The following MDN1 variants were observed in gnomAD, a reference collection of about 807,000 sequenced individuals.
MDN1 encodes midasin AAA ATPase 1.
Under a neutral mutation model 669.2 loss-of-function variants are expected in MDN1, and 266 were observed. The ratio of observed to expected loss-of-function variants is 0.40; its 90% CI spans 0.36 to 0.44. The LOEUF (loss-of-function observed/expected upper bound fraction) is 0.44, where lower values mean the gene tolerates loss of function less well. Ranked by LOEUF, MDN1 falls within the 20% of genes least tolerant of loss-of-function variation. The pLI is 1.00. For synonymous variants in MDN1, 2,385 were observed against 2,457.1 expected (o/e 0.97, Z 0.87); for missense variants, 5,940 against 6,754.0 (o/e 0.88, Z 4.22).
intron 30 of MDN1, 107 bp downstream of exon 30, chr6:89,743,469 T>C (rs1364365746): frequency 2.8e-5 from 39 of 1,394,766 alleles, no homozygotes; most frequent in Non-Finnish European, 3.2e-5. Flanking sequence ...TCTGCAGATA[T>C]GCACATTTAA....
rs1194994007 is a variant in MDN1, at chr6:89,701,645, A to G, written c.8340T>C (p.His2780=). 2 of 1,614,152 alleles carry G rather than the reference A, an allele frequency of 1.2e-6. No homozygotes were observed. Among genetic ancestry groups the G allele is most frequent in the Non-Finnish European group, 1.7e-6 (2 of 1,179,994 alleles). ...YYKEVQTVSE[H]IQNCLGSQTG... The stretch of plus-strand genomic sequence containing the variant: ...TCTGGCTCCCCAGACAATTCTGAAT[A>G]TGTTCTGAGACAGTCTGAACTTCTT... Residue 2780 remains histidine (H), a synonymous_variant, in exon 55 of 102, where the codon CAT becomes CAC. Transcript: ENST00000369393.
chr6:89,700,758 C>G lies in MDN1; in HGVS notation c.8526G>C (p.Gln2842His). ...CCACTTGGAGACGGTTAATGTCTTC[C>G]TGCCATCCACTCTCCCCAAGGGCAG... ...QMSALGESGW[Q>H]EDINRLQVVA... Residue 2842 changes from glutamine (Q) to histidine (H), a missense_variant, in exon 56 of 102, where the codon CAG becomes CAC. Gln to His is a conservative substitution (Grantham distance 24). Coordinates refer to ENST00000369393, the MANE Select transcript of MDN1 (RefSeq NM_014611.3). The G allele has an allele frequency of 6.2e-7, 1 of 1,614,164 alleles. No individual in the cohort carries two copies. Among genetic ancestry groups the G allele is most frequent in the Non-Finnish European group, 8.5e-7 (1 of 1,180,020 alleles).
intron 69 of MDN1, among the ~76,000 whole-genome samples, chr6:89,686,319 G>A (rs1336674193): frequency 6.6e-6 from 1 of 152,148 alleles, no homozygotes; most frequent in African/African-American, 2.4e-5. Flanking sequence ...CAGCTACTGA[G>A]AAGGCTGAAG....
At chr6:89,778,766 G>C (rs1426214110) in intron 11 of MDN1, among the ~76,000 whole-genome samples, 2 of 151,634 alleles carry the variant, frequency 1.3e-5, no homozygotes, top group Non-Finnish European at 2.9e-5. Flanking sequence ...GGCGCCTGTA[G>C]TCCCAGTTAC....
chr6:89,790,316 G>A lies in MDN1; in HGVS notation c.941C>T (p.Thr314Ile), dbSNP rs994847848. Residue 314 changes from threonine (T) to isoleucine (I), a missense_variant, in exon 6 of 102, where the codon ACC becomes ATC. Thr to Ile is a moderately conservative substitution (Grantham distance 89, BLOSUM62 -1). This residue lies in a region of MDN1 where 1,203 missense variants were observed against 1,268.9 expected (regional missense o/e 0.95). Transcript: ENST00000369393. ...CTGAGAAGCAACCGCCATAGCCAGG[G>A]TCTGAAGACTTTTGCAGACAGACTC... The part of the protein sequence containing the change: ...LVESVCKSLQ[T>I]LAMAVASQNA... 1.2e-6 allele frequency: 2 copies of A among 1,613,956 alleles called. No individual in the cohort carries two copies. The highest frequency in any genetic ancestry group is 2.7e-5 in the African/African-American group (2 of 74,870).
At chr6:89,712,537 C>T (rs771394985) in intron 48 of MDN1, 38 bp downstream of exon 48, 4 of 1,590,242 alleles carry the variant, frequency 2.5e-6, no homozygotes, top group Non-Finnish European at 1.7e-6. Flanking sequence ...TAAAAACCAG[C>T]CAAGAAACCA....
chr6:89,729,677 G>A (rs1013510683), intron 35 of MDN1, among the ~76,000 whole-genome samples: 1 of 100,758 alleles, frequency 9.9e-6, no homozygotes, highest in African/African-American at 3.7e-5. Context: ...TTTTGTTTTC[G>A]TTTTTTTTTT....
At chr6:89,726,248 G>A (rs1815225078) in intron 37 of MDN1, among the ~76,000 whole-genome samples, 1 of 151,990 alleles carries the variant, frequency 6.6e-6, no homozygotes, top group South Asian at 2.1e-4. Flanking sequence ...ATCACTTGAG[G>A]CCAGGAGTTC....
chr6:89,772,419 A>G (rs1818130563), intron 14 of MDN1, among the ~76,000 whole-genome samples, 154 bp downstream of exon 14: 1 of 152,214 alleles, frequency 6.6e-6, no homozygotes, highest in Admixed American at 6.5e-5. Flanking sequence ...TTTAATAATA[A>G]TCTATTAACA....
chr6:89,696,093 C>G (rs558034449), intron 60 of MDN1, 101 bp from the exon 61 acceptor site: 21 of 1,433,476 alleles, frequency 1.5e-5, no homozygotes, highest in Non-Finnish European at 1.8e-5. Context: ...CCACAGAATG[C>G]AGCATCAATA....
At chr6:89,651,749 T>C (rs1445741224) in intron 95 of MDN1, among the ~76,000 whole-genome samples, 4 of 152,148 alleles carry the variant, frequency 2.6e-5, no homozygotes, top group East Asian at 3.8e-4. Flanking sequence ...ATTATGACAA[T>C]AGATATAAAA....
intron 37 of MDN1, among the ~76,000 whole-genome samples, chr6:89,726,747 T>C (rs1292988795): frequency 6.6e-6 from 1 of 152,146 alleles, no homozygotes; most frequent in Non-Finnish European, 1.5e-5. Flanking sequence ...CTCAGGGATG[T>C]GAAGCATGTG....
At chr6:89,763,121 C>G (rs970976624) in intron 15 of MDN1, among the ~76,000 whole-genome samples, 1 of 151,662 alleles carries the variant, frequency 6.6e-6, no homozygotes, top group African/African-American at 2.4e-5. Context: ...TTTATTTTAC[C>G]AACATGTCTA....
At chr6:89,805,034 CAAAAAAAAAA>C (rs34538984) in intron 1 of MDN1, among the ~76,000 whole-genome samples, 10 of 58,518 alleles carry the variant, frequency 1.7e-4, no homozygotes, top group East Asian at 5.5e-4. Flanking sequence ...GACTCCGTCT[CAAAAAAAAAA>C]AAAAAAAAAA....
intron 1 of MDN1, chr6:89,815,000 A>G: frequency 1.7e-6 from 1 of 602,064 alleles, no homozygotes; most frequent in Non-Finnish European, 2.8e-6. Flanking sequence ...AGTAGCACCA[A>G]GTGTCTGGTG....
At chr6:89,743,784 G>C in intron 29 of MDN1, 70 bp from the exon 30 acceptor site, 2 of 1,517,210 alleles carry the variant, frequency 1.3e-6, no homozygotes, top group Non-Finnish European at 9.0e-7. Context: ...CCCCCCCTCA[G>C]CAAAAGAGAA....
At chr6:89,769,292 A>T (rs1273094305) in intron 15 of MDN1, among the ~76,000 whole-genome samples, 1 of 152,220 alleles carries the variant, frequency 6.6e-6, no homozygotes, top group Non-Finnish European at 1.5e-5. Context: ...TTCTTAAACA[A>T]GGGAGTCACC....
rs1812467372 is a variant in MDN1 at position 89,692,824 on chromosome 6, T to C, written c.10206A>G (p.Ala3402=). ...FYPDAVSPLQ[A]SILQLQHGMR... ...TGCCATGTTGTAACTGCAATATGGA[T>C]GCCTGCAGTGGGCTCACGGCATCTG... Residue 3402 remains alanine (A), a synonymous_variant, in exon 63 of 102, where the codon GCA becomes GCG. Transcript: ENST00000369393. The C allele has an allele frequency of 1.2e-6, 2 of 1,614,108 alleles. No homozygotes were observed. Among genetic ancestry groups the C allele is most frequent in the Non-Finnish European group, 1.7e-6 (2 of 1,180,042 alleles).
At chr6:89,810,234 G>A (rs1182170249) in intron 1 of MDN1, among the ~76,000 whole-genome samples, 3 of 151,690 alleles carry the variant, frequency 2.0e-5, no homozygotes, top group Non-Finnish European at 2.9e-5. Flanking sequence ...TCAGGAGTTC[G>A]AGACCAGCCT....
Sources: allele counts gnomAD v4.1 joint callset (sites outside exome capture counted in the v4.1 genomes callset), GRCh38; gene constraint gnomAD v4.1.1; regional missense constraint gnomAD v4.1.1; transcripts MANE v1.5; gene names NCBI Gene and HGNC (gene_info 2026-07-23, HGNC 2026-07-21).